LRRC9: variants seen among roughly 807,000 people sequenced by gnomAD.
LRRC9 encodes leucine rich repeat containing 9, also known as leucine-rich repeat-containing protein 9.
In LRRC9, 122 loss-of-function variants were observed where a neutral mutation model predicts 63.2. The ratio of observed to expected loss-of-function variants is 1.93; its 90% confidence interval spans 1.67 to 2.24. LRRC9 has a LOEUF of 2.24. LRRC9 is among the 30% of genes most tolerant of loss of function. The pLI is 0.00. For missense variants in LRRC9, 1,071 were observed against 627.7 expected (o/e 1.71, Z -7.55); for synonymous variants, 366 against 213.1 (o/e 1.72, Z -6.25).
chr14:60,043,818 T>C (rs1455736727), intron 29 of LRRC9, among the ~76,000 whole-genome samples: 2 of 147,358 alleles, frequency 1.4e-5, no homozygotes, highest in African/African-American at 5.0e-5. Flanking sequence ...AATGCTGGCC[T>C]TGTAGAATGA....
At chr14:59,929,869 A>C (rs1744009347) in intron 3 of LRRC9, among the ~76,000 whole-genome samples, 1 of 152,230 alleles carries the variant, frequency 6.6e-6, no homozygotes, top group Non-Finnish European at 1.5e-5. Context: ...GTGGGAGCTA[A>C]ATGATGATAA....
intron 8 of LRRC9, among the ~76,000 whole-genome samples, chr14:59,957,482 T>C (rs1467710438): frequency 6.6e-6 from 1 of 152,074 alleles, no homozygotes; most frequent in Non-Finnish European, 1.5e-5. Flanking sequence ...CTCCATCAGG[T>C]CATTTATGTT....
chr14:60,039,149 TG>T (rs1195124234), intron 29 of LRRC9, among the ~76,000 whole-genome samples: 1 of 152,234 alleles, frequency 6.6e-6, no homozygotes, highest in African/African-American at 2.4e-5. Context: ...TTTGATGTGC[TG>T]CTGGATTCGG....
At chr14:60,016,014 C>T (rs898914441) in intron 23 of LRRC9, among the ~76,000 whole-genome samples, 1 of 152,110 alleles carries the variant, frequency 6.6e-6, no homozygotes, top group South Asian at 2.1e-4. Flanking sequence ...TTAGAGAGAG[C>T]AGGCTTTTTG....
At chr14:59,994,895 A>G (rs1888582870) in intron 17 of LRRC9, among the ~76,000 whole-genome samples, 1 of 152,176 alleles carries the variant, frequency 6.6e-6, no homozygotes, top group African/African-American at 2.4e-5. Context: ...TAGCATTTGG[A>G]GATATACCTA....
chr14:59,971,506 T>C (rs1885502888), intron 12 of LRRC9, among the ~76,000 whole-genome samples: 1 of 152,200 alleles, frequency 6.6e-6, no homozygotes, highest in Non-Finnish European at 1.5e-5. Flanking sequence ...ATTGACTTTA[T>C]AAATTGGTTT....
In LRRC9 at chr14:59,978,867, C is replaced by T. The variant is rs529675391; in HGVS notation, c.1878+735C>T. Among the ~76,000 whole-genome samples the T allele has an allele frequency of 3.3e-5, 5 of 152,248 alleles. No individual in the cohort carries two copies. In the South Asian group the frequency reaches 8.3e-4, roughly 25 times the overall value. ...TTTTGCCAAATTCTCTCCACAAAGACTTGACTGTTTTACAAATTTCCAAGT... is the reference window on the plus strand; with the variant it reads ...TTTTGCCAAATTCTCTCCACAAAGATTTGACTGTTTTACAAATTTCCAAGT... On this transcript the variant is annotated intron_variant, in intron 15 of 31. Transcript: ENST00000445360.
At chr14:60,010,467 T>A (rs1353174202) in intron 23 of LRRC9, among the ~76,000 whole-genome samples, 1 of 152,188 alleles carries the variant, frequency 6.6e-6, no homozygotes, top group African/African-American at 2.4e-5. Flanking sequence ...AGGAAACCGT[T>A]TTTCCCTCCT....
At chr14:60,014,360 C>G (rs1365511007) in intron 23 of LRRC9, among the ~76,000 whole-genome samples, 2 of 151,890 alleles carry the variant, frequency 1.3e-5, no homozygotes, top group African/African-American at 2.4e-5. Context: ...TTGTGCTTTC[C>G]TCTTTCCTGG....
chr14:59,920,700 G>C (rs1198566234), intron 1 of LRRC9, among the ~76,000 whole-genome samples: 1 of 151,922 alleles, frequency 6.6e-6, no homozygotes, highest in African/African-American at 2.4e-5. Context: ...ACTTCTACTG[G>C]GCAGAGAAAA....
chr14:59,992,149 T>C (rs1325901268), intron 17 of LRRC9, among the ~76,000 whole-genome samples: 2 of 152,196 alleles, frequency 1.3e-5, no homozygotes, highest in Non-Finnish European at 2.9e-5. Flanking sequence ...ACATTTGCTG[T>C]TCACCAATAT....
chr14:60,020,918 T>A (rs1891069088), intron 26 of LRRC9, among the ~76,000 whole-genome samples: 1 of 151,976 alleles, frequency 6.6e-6, no homozygotes, highest in African/African-American at 2.4e-5. Context: ...TTCTATTTTT[T>A]GGCTGGTTTG....
intron 27 of LRRC9, among the ~76,000 whole-genome samples, chr14:60,024,506 G>C (rs1051644740): frequency 2.0e-5 from 3 of 152,002 alleles, no homozygotes; most frequent in Non-Finnish European, 4.4e-5. Context: ...CATGTGGGGA[G>C]ACATCGAGGT....
chr14:59,964,576 C>T lies in LRRC9; in HGVS notation c.1212-2013C>T, dbSNP rs1236218920. On this transcript the variant is annotated intron_variant, in intron 10 of 31. Coordinates refer to ENST00000445360, the Ensembl canonical transcript of LRRC9. The surrounding 1 kb of genome is among the most constrained non-coding windows in gnomAD (Gnocchi z 4.4). The stretch of plus-strand genomic sequence containing the variant: ...ACCCATTCATGAGACGCCTCAAGCC[C>T]AATATCCCCTATATAGCAAAAACTT... Among the ~76,000 whole-genome samples the T allele has an allele frequency of 1.3e-5, 2 of 152,126 alleles. No individual in the cohort carries two copies. Among genetic ancestry groups the T allele is most frequent in the East Asian group, 3.9e-4 (2 of 5,186 alleles).
chr14:59,967,100 T>A (rs1191655322), exon 12 of LRRC9: 2 of 635,116 alleles, frequency 3.1e-6, no homozygotes, highest in African/African-American at 3.6e-5. Context: ...CTTAAGGAGC[T>A]ACCGAAGGAT....
chr14:60,005,797 C>T (rs1364239809), intron 21 of LRRC9, among the ~76,000 whole-genome samples: 1 of 152,036 alleles, frequency 6.6e-6, no homozygotes, highest in East Asian at 1.9e-4. Flanking sequence ...TATTTGAAGC[C>T]AACTAGGATT....
chr14:59,922,118 A>G lies in LRRC9; in HGVS notation c.-34+2235A>G, dbSNP rs1457590923. Among the ~76,000 whole-genome samples the G allele has an allele frequency of 6.6e-6, 1 of 151,422 alleles. No individual in the cohort carries two copies. Among genetic ancestry groups the G allele is most frequent in the African/African-American group, 2.4e-5 (1 of 40,936 alleles). On this transcript the variant is annotated intron_variant, in intron 1 of 31. Coordinates refer to ENST00000445360, the Ensembl canonical transcript of LRRC9. This position sits in a 1 kb window ranked among gnomAD's most constrained non-coding sequence, Gnocchi z 5.3. ...ATAAATAAATAAATAAGAAAGAAAA[A>G]AGAAAAGAAGAAAAGCACAAAGTAA... is the stretch of plus-strand genomic sequence containing the variant.
intron 17 of LRRC9, 109 bp from the exon 18 acceptor site, chr14:59,997,547 G>T (rs551408432): frequency 1.4e-4 from 79 of 563,446 alleles, no homozygotes; most frequent in African/African-American, 1.2e-3. Context: ...TATGTGTCCT[G>T]TGAGGATTAC....
At chr14:59,984,128 AG>A (rs1192781488) in intron 16 of LRRC9, among the ~76,000 whole-genome samples, 4 of 152,234 alleles carry the variant, frequency 2.6e-5, no homozygotes, top group Non-Finnish European at 4.4e-5. Context: ...TCAGACACAT[AG>A]GGAAGATGAA....
Sources: allele counts gnomAD v4.1 joint callset (sites outside exome capture counted in the v4.1 genomes callset), GRCh38; gene constraint gnomAD v4.1.1; non-coding constraint Gnocchi (gnomAD v3.1); transcripts MANE v1.5; gene names NCBI Gene and HGNC (gene_info 2026-07-23, HGNC 2026-07-21).